The following PIGN variants were observed in gnomAD, a reference collection of about 807,000 sequenced individuals.
The protein encoded by PIGN is GPI ethanolamine phosphate transferase 1.
In PIGN, 117 loss-of-function variants were observed where a neutral mutation model predicts 125.4. The observed-to-expected ratio is 0.93, with a 90% CI of 0.80 to 1.09. The LOEUF (loss-of-function observed/expected upper bound fraction) is 1.09. Among genes scored for constraint, PIGN ranks in the 50% least tolerant of loss-of-function variants. PIGN has a pLI of 0.00. For synonymous variants in PIGN, 392 were observed against 377.8 expected (o/e 1.04, Z -0.44); for missense variants, 1,075 against 1,094.9 (o/e 0.98, Z 0.26).
chr18:62,085,327 G>A (rs1407814281), intron 25 of PIGN, 63 bp from the exon 26 acceptor site: 1 of 1,072,250 alleles, frequency 9.3e-7, no homozygotes, highest in Non-Finnish European at 1.4e-6. Flanking sequence ...TTTTCATTTA[G>A]AAAAGATATG....
intron 28 of PIGN, among the ~76,000 whole-genome samples, chr18:62,080,875 G>A (rs1007665452): frequency 7.9e-5 from 12 of 152,016 alleles, no homozygotes; most frequent in Admixed American, 3.9e-4. Flanking sequence ...TAAACTATCA[G>A]GTAATCTTCA....
At chr18:62,126,504 T>C (rs1475253108) in intron 14 of PIGN, among the ~76,000 whole-genome samples, 6 of 152,198 alleles carry the variant, frequency 3.9e-5, no homozygotes, top group African/African-American at 1.4e-4. Context: ...TTATATGTGC[T>C]TAAAAGCTTC....
At chr18:62,128,600 GA>G (rs1478365531) in intron 14 of PIGN, among the ~76,000 whole-genome samples, 2 of 150,602 alleles carry the variant, frequency 1.3e-5, no homozygotes, top group East Asian at 1.9e-4. Flanking sequence ...CAGAGATCAA[GA>G]AAAAAAAGAA....
At chr18:62,052,169 G>T (rs1388189744) in intron 30 of PIGN, 2 of 151,750 alleles carry the variant, frequency 1.3e-5, no homozygotes, top group Non-Finnish European at 3.0e-5. Context: ...TGAAAAAAAT[G>T]TATATTCTGT....
chr18:62,059,651 A>G lies in PIGN; in HGVS notation c.2672+13022T>C, dbSNP rs189471873. Among the ~76,000 whole-genome samples the G allele has an allele frequency of 2.3e-3, 346 of 152,316 alleles. 1 individual carries two copies. Among genetic ancestry groups the G allele is most frequent in the African/African-American group, 7.9e-3 (330 of 41,562 alleles). ...TGTTGTTGCCTGGGCTTGGGATGGT[A>G]ATGGGAACAGATTGTGAACAGGTAG... On this transcript the variant is annotated intron_variant, in intron 30 of 30. Transcript: ENST00000640252.
rs1454371489 is a variant in PIGN, at chr18:62,148,328, T to C, written c.560A>G (p.His187Arg). The C allele has an allele frequency of 6.6e-7, 1 of 1,514,876 alleles. No individual in the cohort carries two copies. Among genetic ancestry groups the C allele is most frequent in the South Asian group, 1.3e-5 (1 of 77,994 alleles). The allele number at this position is 1,514,876 out of a possible 1,614,324, so 93.8% of individuals were successfully genotyped here. ...WVFDNVKDFF[H>R]HARNNQSLFS... ...CAAAGACTGGTTGTTTCTGGCATGA[T>C]GAAAGAAGTCCTACATATAACAAAT... The change falls in exon 8 of 31, where the codon CAT becomes CGT. Residue 187 changes from histidine to arginine, a missense_variant. Around this residue, in one of 3 missense-constraint regions of PIGN, gnomAD observed 915 missense variants for 908.7 expected, o/e 1.01. Coordinates refer to ENST00000640252, the MANE Select transcript of PIGN (RefSeq NM_176787.5).
intron 23 of PIGN, among the ~76,000 whole-genome samples, chr18:62,028,839 A>C (rs551129245): frequency 1.3e-5 from 2 of 152,368 alleles, no homozygotes; most frequent in East Asian, 3.9e-4. Flanking sequence ...AAAGGGCAAC[A>C]GTTTTCACTG....
chr18:62,167,449 T>A lies in PIGN; in HGVS notation c.-235-3793A>T, dbSNP rs140305074. ...GAGTTCAAAACCAGCCTAGCCAACC[T>A]GGTGAAACCCCATCTCTACTAAAAA... is the stretch of plus-strand genomic sequence containing the variant. On this transcript the variant is annotated intron_variant, in intron 1 of 30. Transcript: ENST00000640252. Among the ~76,000 whole-genome samples, 706 of 151,296 alleles carry A rather than the reference T, an allele frequency of 4.7e-3. 9 individuals carry two copies. The highest frequency in any genetic ancestry group is 0.016 in the African/African-American group (675 of 41,104).
At chr18:62,076,946 G>A (rs897323272) in intron 28 of PIGN, among the ~76,000 whole-genome samples, 1 of 152,144 alleles carries the variant, frequency 6.6e-6, no homozygotes, top group African/African-American at 2.4e-5. Context: ...TAGTTTTAGT[G>A]GTTGCAGCAA....
At chr18:62,088,544 C>A in intron 25 of PIGN, 1 of 286,876 alleles carries the variant, frequency 3.5e-6, no homozygotes, top group Non-Finnish European at 6.3e-6. Flanking sequence ...ATCTGAATAG[C>A]AGGAATATAT....
chr18:62,128,893 TAAG>T (rs1472813975), intron 14 of PIGN, among the ~76,000 whole-genome samples: 3 of 152,098 alleles, frequency 2.0e-5, no homozygotes, highest in African/African-American at 7.2e-5. Context: ...GGCTTCAAAA[TAAG>T]AAGTCATCAT....
intron 23 of PIGN, among the ~76,000 whole-genome samples, chr18:62,026,852 T>C (rs2030125311): frequency 6.6e-6 from 1 of 152,164 alleles, no homozygotes; most frequent in South Asian, 2.1e-4. Context: ...ACTGCAAATG[T>C]GCAAATCAGT....
At chr18:62,066,406 A>G (rs1292184629) in intron 30 of PIGN, among the ~76,000 whole-genome samples, 2 of 152,220 alleles carry the variant, frequency 1.3e-5, no homozygotes, top group Non-Finnish European at 2.9e-5. Flanking sequence ...GAACGATAGT[A>G]TCTACTTTAC....
chr18:62,066,116 C>T (rs889232971), intron 30 of PIGN, among the ~76,000 whole-genome samples: 3 of 152,198 alleles, frequency 2.0e-5, no homozygotes, highest in African/African-American at 7.2e-5. Flanking sequence ...GTCTTCATGT[C>T]ACAAGGCTTT....
intron 7 of PIGN, chr18:62,153,426 T>A (rs1397787732): frequency 1.3e-5 from 2 of 152,180 alleles, no homozygotes; most frequent in African/African-American, 4.8e-5. Context: ...AAGAAAGACA[T>A]GAAAATCAGG....
rs536692815 is a variant in PIGN, at chr18:62,041,225, T to A, written c.*4631A>T. 6.6e-6 allele frequency: 1 copy of A among 152,312 alleles called. No homozygotes were observed. The highest frequency in any genetic ancestry group is 2.1e-4 in the South Asian group (1 of 4,824). 9.4% of individuals were successfully genotyped at this position (152,312 alleles called of 1,614,324 possible). On this transcript the variant is annotated 3_prime_UTR_variant, in exon 31 of 31. Coordinates refer to ENST00000640252, the MANE Select transcript of PIGN (RefSeq NM_176787.5). ...ATATAAAACATAAGGTATGAAGGCT[T>A]AGTCTATACTCTAGCAGGGCTAGAC...
At chr18:62,072,515 C>A in intron 30 of PIGN, 158 bp downstream of exon 30, 1 of 569,598 alleles carries the variant, frequency 1.8e-6, no homozygotes, top group Non-Finnish European at 3.1e-6. Context: ...AGTCTAGGAG[C>A]AATAGGCTGT....
At chr18:62,081,393 G>A (rs2033440570) in intron 28 of PIGN, among the ~76,000 whole-genome samples, 1 of 152,102 alleles carries the variant, frequency 6.6e-6, no homozygotes, top group African/African-American at 2.4e-5. Context: ...AGGCATCACT[G>A]GCTTCAATGT....
intron 20 of PIGN, chr18:62,103,720 T>TAAG (rs1229907239): frequency 6.6e-6 from 1 of 152,204 alleles, no homozygotes; most frequent in East Asian, 1.9e-4. Flanking sequence ...GCTGGACACC[T>TAAG]AAGAAGAATG....
Sources: allele counts gnomAD v4.1 joint callset (sites outside exome capture counted in the v4.1 genomes callset), GRCh38; gene constraint gnomAD v4.1.1; regional missense constraint gnomAD v4.1.1; transcripts MANE v1.5; gene names NCBI Gene and HGNC (gene_info 2026-07-23, HGNC 2026-07-21).